The following ALAS2 variants were observed in gnomAD, a reference collection of about 807,000 sequenced individuals.
ALAS2 encodes 5-aminolevulinate synthase, erythroid-specific, mitochondrial.
In ALAS2, 3 loss-of-function variants were observed where a neutral mutation model predicts 33.7. The observed-to-expected ratio is 0.09, with a 90% CI of 0.04 to 0.23. ALAS2 has a LOEUF of 0.23. ALAS2 is among the 10% of genes least tolerant of loss of function. The probability of loss-of-function intolerance (pLI) is 1.00; values close to 1 mark genes in which losing one functional copy is unlikely to be tolerated. For missense variants in ALAS2, 304 were observed against 475.1 expected, an observed-to-expected ratio of 0.64 and a Z score of 3.35; for synonymous variants, 191 against 177.3, an observed-to-expected ratio of 1.08 and a Z score of -0.61.
intron 6 of ALAS2, among the ~76,000 whole-genome samples, chrX:55,019,146 G>C (rs1195746298): frequency 9.0e-6 from 1 of 111,056 alleles, no homozygotes; most frequent in Admixed American, 9.6e-5. Flanking sequence ...GTGATCAGGG[G>C]TTGAGGCAAT....
intron 7 of ALAS2, among the ~76,000 whole-genome samples, chrX:55,016,060 G>T (rs1347277892): frequency 1.9e-5 from 2 of 106,073 alleles, no homozygotes. Flanking sequence ...ATCAAGGCTT[G>T]ACTCTTTGTC....
At chrX:55,024,871 G>A (rs1935866590) in intron 2 of ALAS2, 31 bp from the exon 3 acceptor site, 2 of 1,209,166 alleles carry the variant, frequency 1.7e-6, no homozygotes, top group Non-Finnish European at 1.1e-6. Flanking sequence ...AATTTGGGGT[G>A]CATTTCTAGT....
intron 6 of ALAS2, among the ~76,000 whole-genome samples, chrX:55,019,275 G>C (rs144782589): frequency 1.5e-3 from 172 of 111,306 alleles, no homozygotes; most frequent in Middle Eastern, 9.3e-3. Context: ...GAGGGGAATG[G>C]GGCACAGAGC....
At chrX:55,009,791 C>T (rs1157247782) in intron 10 of ALAS2, among the ~76,000 whole-genome samples, 1 of 111,688 alleles carries the variant, frequency 9.0e-6, no homozygotes, top group Non-Finnish European at 1.9e-5. Flanking sequence ...GAGGAAGTAC[C>T]CCAGGTACGT....
chrX:55,024,883 A>T, intron 2 of ALAS2, 43 bp from the exon 3 acceptor site: 1 of 1,206,403 alleles, frequency 8.3e-7, no homozygotes, highest in Non-Finnish European at 1.1e-6. Context: ...ATTTCTAGTC[A>T]TAAGTTCAGC....
Position 55,009,292 on chromosome X carries a change from GAC to G in ALAS2, c.1650_1651del (p.Ser551CysfsTer14), listed in dbSNP as rs896146259. ...GCGACAGAAATTGCAGGCAGCCACA[GAC>G]ACATCCTGGAGGGGCAGCCCCACCG... is the stretch of plus-strand genomic sequence containing the variant. On this transcript the variant is annotated frameshift_variant, in exon 11 of 11. Coordinates refer to ENST00000650242, the MANE Select transcript of ALAS2 (RefSeq NM_000032.5). LOFTEE classifies it high-confidence loss of function. 1 of 1,205,241 alleles carries G rather than the reference GAC, an allele frequency of 8.3e-7. No individual in the cohort carries two copies. The highest frequency in any genetic ancestry group is 1.1e-6 in the Non-Finnish European group (1 of 892,367).
At chrX:55,016,871 G>C (rs1417014125) in intron 7 of ALAS2, among the ~76,000 whole-genome samples, 1 of 111,732 alleles carries the variant, frequency 8.9e-6, no homozygotes, top group East Asian at 2.8e-4. Context: ...GACAGTTAAA[G>C]AGTTACCCAT....
At chrX:55,020,542 ACT>A in intron 5 of ALAS2, 38 bp from the exon 6 acceptor site, 1 of 1,146,110 alleles carries the variant, frequency 8.7e-7, no homozygotes, top group Admixed American at 2.6e-5. Flanking sequence ...AGAAAAAGAA[ACT>A]CTTGTCAGGC....
chrX:55,015,973 G>C (rs892209679), intron 7 of ALAS2, among the ~76,000 whole-genome samples: 1,785 of 98,124 alleles, frequency 0.018, 31 homozygotes, highest in African/African-American at 0.068. Flanking sequence ...GTGTGTGTGT[G>C]TGTGTGTGTG....
intron 8 of ALAS2, 119 bp from the exon 9 acceptor site, chrX:55,015,134 C>T: frequency 1.3e-6 from 1 of 794,434 alleles, no homozygotes; most frequent in African/African-American, 2.1e-5. Flanking sequence ...GCTGTCTTCC[C>T]AGGCCTCTGC....
rs867338463 is a variant in ALAS2, at chrX:55,015,965, G to C, written c.1004-223C>G. ...TCTCTCTCTCTCTGTCTCTCTGTGT[G>C]TGTGTGTGTGTGTGTGTGTGTGTGT... On this transcript the variant is annotated intron_variant, in intron 7 of 10. Transcript: ENST00000650242. 0.024 allele frequency among the ~76,000 whole-genome samples: 1,488 copies of C among 61,341 alleles called. 22 individuals are homozygous for C. The highest frequency in any genetic ancestry group is 0.11 in the African/African-American group (1,207 of 11,143). The allele number at this position is 61,341 out of a possible 115,157, so 53.3% of individuals were successfully genotyped here.
At chrX:55,021,834 T>C (rs1935810975) in intron 4 of ALAS2, among the ~76,000 whole-genome samples, 3 of 112,520 alleles carry the variant, frequency 2.7e-5, no homozygotes, top group Non-Finnish European at 5.6e-5. Context: ...ATAATACTAA[T>C]AAAGATAGCT....
chrX:55,015,267 G>A (rs188803768), intron 8 of ALAS2, among the ~76,000 whole-genome samples: 66 of 111,372 alleles, frequency 5.9e-4, no homozygotes, highest in Middle Eastern at 9.4e-3. Flanking sequence ...TAGCTGGATA[G>A]GGTCAGGAGT....
intron 4 of ALAS2, among the ~76,000 whole-genome samples, chrX:55,022,173 C>T (rs750883141): frequency 3.6e-5 from 4 of 112,243 alleles, no homozygotes; most frequent in South Asian, 3.7e-4. Flanking sequence ...GAACTCTTTA[C>T]GTGAGACAGA....
intron 7 of ALAS2, among the ~76,000 whole-genome samples, chrX:55,016,563 T>G (rs1197607269): frequency 3.6e-5 from 4 of 111,612 alleles, no homozygotes; most frequent in Non-Finnish European, 7.5e-5. Context: ...ACATGCCACT[T>G]AAGATACCTA....
In ALAS2 at chrX:55,017,556, C is replaced by T. The variant is rs746627894; in HGVS notation, c.933G>A (p.Lys311=). ...VFRHNDPDHL[K]KLLEKSNPKI... The stretch of plus-strand genomic sequence containing the variant: ...TAGGGTTAGACTTCTCTAGAAGTTT[C>T]TTTAGGTGGTCAGGGTCATTGTGCC... The change falls in exon 7 of 11, where the codon AAG becomes AAA. Residue 311 remains lysine (K), a synonymous_variant. Coordinates refer to ENST00000650242, the MANE Select transcript of ALAS2 (RefSeq NM_000032.5). The T allele has an allele frequency of 3.3e-6, 4 of 1,209,220 alleles. No homozygotes were observed. In the African/African-American group the frequency reaches 5.3e-5, roughly 16 times the overall value.
Position 55,016,002 on chromosome X carries a change from T to TAC in ALAS2, c.1004-261_1004-260insGT, listed in dbSNP as rs1331602614. ...GTGTGTGTGTGTGTGTGTGTGTGTGTGTGTGTGTACGTGTGTGTGCGCATG... is the reference window on the plus strand; with the variant it reads ...GTGTGTGTGTGTGTGTGTGTGTGTGTACGTGTGTGTACGTGTGTGTGCGCATG... On this transcript the variant is annotated intron_variant, in intron 7 of 10. Transcript: ENST00000650242. Among the ~76,000 whole-genome samples, 3 of 102,816 alleles carry TAC rather than the reference T, an allele frequency of 2.9e-5. No individual in the cohort carries two copies. In the East Asian group the frequency reaches 9.2e-4, roughly 32 times the overall value. 89.3% of individuals were successfully genotyped at this position (102,816 alleles called of 115,157 possible). A position where few individuals can be genotyped will look rare whatever the true frequency, so the allele number is the denominator to read the frequency against.
Position 55,009,286 on chromosome X carries a change from G to A in ALAS2, c.1658C>T (p.Ala553Val). 1 of 1,205,661 alleles carries A rather than the reference G, an allele frequency of 8.3e-7. No individual in the cohort carries two copies. Among genetic ancestry groups the A allele is most frequent in the Non-Finnish European group, 1.1e-6 (1 of 892,594 alleles). Residue 553 changes from alanine (A) to valine (V), a missense_variant, in exon 11 of 11, where the codon GCT becomes GTT. Around this residue, in one of 3 missense-constraint regions of ALAS2, gnomAD observed 95 missense variants for 127.0 expected, o/e 0.75. Coordinates refer to ENST00000650242, the MANE Select transcript of ALAS2 (RefSeq NM_000032.5). ...AGGACGGCGACAGAAATTGCAGGCA[G>A]CCACAGACACATCCTGGAGGGGCAG... ...VGLPLQDVSV[A>V]ACNFCRRPVH...
chrX:55,023,427 G>C (rs994677378), intron 4 of ALAS2, among the ~76,000 whole-genome samples: 14 of 111,043 alleles, frequency 1.3e-4, no homozygotes, highest in Non-Finnish European at 2.1e-4. Context: ...AAAAGGTGCT[G>C]TATGAAGGGT....
Sources: gnomAD v4.1 joint callset for allele counts (sites outside exome capture counted in the v4.1 genomes callset) on GRCh38, gnomAD v4.1.1 for gene constraint, gnomAD v4.1.1 regional missense constraint, MANE v1.5 for transcripts, NCBI Gene and HGNC (gene_info 2026-07-23, HGNC 2026-07-21) for gene names.